Variants in NSMAF observed in about 807,000 individuals in gnomAD.
The protein encoded by NSMAF is protein FAN.
In NSMAF, 90 loss-of-function variants were observed where a neutral mutation model predicts 134.9. The observed-to-expected ratio is 0.67, with a 90% CI of 0.56 to 0.79. The LOEUF (loss-of-function observed/expected upper bound fraction) is 0.79. Ranked by LOEUF, NSMAF falls within the 30% of genes least tolerant of loss-of-function variation. The probability of loss-of-function intolerance (pLI) is 0.00; values close to 1 mark genes in which losing one functional copy is unlikely to be tolerated. For synonymous variants in NSMAF, 358 were observed against 389.6 expected (o/e 0.92, Z 0.96); for missense variants, 1,010 against 1,119.0 (o/e 0.90, Z 1.39).
intron 9 of NSMAF, among the ~76,000 whole-genome samples, chr8:58,615,179 G>A (rs1030460460): frequency 6.6e-6 from 1 of 152,066 alleles, no homozygotes; most frequent in Non-Finnish European, 1.5e-5. Context: ...TCTAATAACA[G>A]AGCTTCACAA....
intron 11 of NSMAF, among the ~76,000 whole-genome samples, chr8:58,607,521 G>C (rs867927844): frequency 3.0e-4 from 45 of 152,218 alleles, no homozygotes; most frequent in African/African-American, 1.0e-3. Flanking sequence ...AAACTCAAGG[G>C]CACTCTAGCC....
Position 58,584,022 on chromosome 8 carries a change from G to T in NSMAF, c.*84C>A. On this transcript the variant is annotated 3_prime_UTR_variant, in exon 31 of 31. Transcript: ENST00000038176. ...GGTAAAACTTCTAATTACTAACATTGCACATTCACCAGTCCGTTTAAAAGT... is the reference window on the plus strand; with the variant it reads ...GGTAAAACTTCTAATTACTAACATTTCACATTCACCAGTCCGTTTAAAAGT... The T allele has an allele frequency of 1.9e-6, 2 of 1,038,166 alleles. No homozygotes were observed. Among genetic ancestry groups the T allele is most frequent in the African/African-American group, 1.6e-5 (1 of 63,376 alleles). The allele number at this position is 1,038,166 out of a possible 1,614,324, so 64.3% of individuals were successfully genotyped here.
intron 1 of NSMAF, chr8:58,659,190 C>T (rs1384946472): frequency 1.4e-6 from 2 of 1,434,300 alleles, no homozygotes; most frequent in Non-Finnish European, 1.8e-6. Context: ...GGGCAGCGTA[C>T]TCACCCTCCC....
chr8:58,641,554 T>G (rs1037443814), intron 2 of NSMAF, among the ~76,000 whole-genome samples: 4 of 152,232 alleles, frequency 2.6e-5, no homozygotes, highest in African/African-American at 9.6e-5. Context: ...TTAATACATG[T>G]AGAGATCACT....
intron 9 of NSMAF, among the ~76,000 whole-genome samples, chr8:58,621,002 T>C (rs1487511815): frequency 1.3e-5 from 2 of 152,214 alleles, no homozygotes; most frequent in Non-Finnish European, 2.9e-5. Context: ...GTTACATAGA[T>C]AAAATATATG....
intron 9 of NSMAF, among the ~76,000 whole-genome samples, chr8:58,621,826 G>A (rs1442533100): frequency 6.6e-6 from 1 of 151,866 alleles, no homozygotes; most frequent in African/African-American, 2.4e-5. Context: ...TTTTTAATGG[G>A]GTTGTTCATT....
rs1347781614 is a variant in NSMAF at position 58,644,433 on chromosome 8, C to T, written c.60-1360G>A. Among the ~76,000 whole-genome samples, 3 of 152,240 alleles carry T rather than the reference C, an allele frequency of 2.0e-5. No homozygotes were observed. In the East Asian group the frequency reaches 5.8e-4, roughly 29 times the overall value. On this transcript the variant is annotated intron_variant, in intron 1 of 30. Transcript: ENST00000038176. Reference sequence around the variant, plus strand: ...CTCAGGAGAAAACCAGTTCAAGTCACCGGACTTCCAAAAAGTTCAGAAATT... The same window carrying T: ...CTCAGGAGAAAACCAGTTCAAGTCATCGGACTTCCAAAAAGTTCAGAAATT...
chr8:58,617,057 A>T (rs988807775), intron 9 of NSMAF, among the ~76,000 whole-genome samples: 2 of 152,196 alleles, frequency 1.3e-5, no homozygotes, highest in African/African-American at 2.4e-5. Flanking sequence ...ATGAAAGAGA[A>T]ATCTGTACTA....
intron 9 of NSMAF, among the ~76,000 whole-genome samples, chr8:58,621,138 C>A (rs1012350380): frequency 6.6e-6 from 1 of 152,108 alleles, no homozygotes; most frequent in Non-Finnish European, 1.5e-5. Flanking sequence ...TCTATTGTTC[C>A]CTTCTTTGCG....
intron 1 of NSMAF, 95 bp from the exon 2 acceptor site, chr8:58,643,168 A>C: frequency 1.1e-6 from 1 of 889,646 alleles, no homozygotes; most frequent in East Asian, 2.5e-5. Context: ...AAGCTTTTCC[A>C]TTCTTGAATT....
At chr8:58,642,914 C>A (rs551200484) in intron 2 of NSMAF, 70 bp downstream of exon 2, 606 of 1,141,536 alleles carry the variant, frequency 5.3e-4, no homozygotes, top group Middle Eastern at 2.3e-3. Context: ...TATATGATCA[C>A]ACATTTAACT....
At chr8:58,650,086 A>G (rs901900690) in intron 1 of NSMAF, among the ~76,000 whole-genome samples, 18 of 152,158 alleles carry the variant, frequency 1.2e-4, no homozygotes, top group Admixed American at 4.6e-4. Flanking sequence ...AGACATAAGC[A>G]CTTGGGTACC....
intron 9 of NSMAF, among the ~76,000 whole-genome samples, chr8:58,612,719 GA>G (rs1272521738): frequency 6.6e-6 from 1 of 152,120 alleles, no homozygotes; most frequent in Non-Finnish European, 1.5e-5. Flanking sequence ...TCGAATTGTA[GA>G]ATACCCAACT....
chr8:58,611,899 T>C (rs2096196329), intron 9 of NSMAF, among the ~76,000 whole-genome samples: 1 of 152,100 alleles, frequency 6.6e-6, no homozygotes, highest in Non-Finnish European at 1.5e-5. Flanking sequence ...ATGAAAGATA[T>C]CAGTTCATAG....
At chr8:58,598,800 A>G (rs1806202465) in intron 19 of NSMAF, among the ~76,000 whole-genome samples, 1 of 152,112 alleles carries the variant, frequency 6.6e-6, no homozygotes, top group Non-Finnish European at 1.5e-5. Context: ...AGGTGGGCAG[A>G]TCACCTGAGG....
chr8:58,656,817 G>A (rs923315610), intron 1 of NSMAF, among the ~76,000 whole-genome samples: 2 of 152,010 alleles, frequency 1.3e-5, no homozygotes, highest in South Asian at 2.1e-4. Context: ...GCAACAGAGC[G>A]AGACTCTGTC....
intron 9 of NSMAF, 85 bp from the exon 10 acceptor site, chr8:58,609,818 T>C (rs1806487158): frequency 1.6e-6 from 2 of 1,288,752 alleles, no homozygotes; most frequent in Non-Finnish European, 2.2e-6. Context: ...ACAGTGTGAC[T>C]TTCTATGACA....
In NSMAF at chr8:58,623,613, A is replaced by G. The variant is rs148453600; in HGVS notation, c.456+96T>C. The G allele has an allele frequency of 1.0e-4, 121 of 1,156,768 alleles. 1 individual carries two copies. The African/African-American group carries it at 1.7e-3, about 16-fold the overall frequency. The allele number at this position is 1,156,768 out of a possible 1,614,324, so 71.7% of individuals were successfully genotyped here. A position where few individuals can be genotyped will look rare whatever the true frequency, so the allele number is the denominator to read the frequency against. Reference sequence around the variant, plus strand: ...AGTCAATCTGCTACATATTTAGAAAACAGATGATGATTTGGGTAAGGTATA... The same window carrying G: ...AGTCAATCTGCTACATATTTAGAAAGCAGATGATGATTTGGGTAAGGTATA... On this transcript the variant is annotated intron_variant, in intron 7 of 30. Transcript: ENST00000038176.
At chr8:58,659,098 C>G in intron 1 of NSMAF, 9 of 825,614 alleles carry the variant, frequency 1.1e-5, no homozygotes, top group Non-Finnish European at 9.8e-6. Flanking sequence ...CTGCTCGGTG[C>G]CGCCCGGCGA....
Sources: gnomAD v4.1 joint callset for allele counts (sites outside exome capture counted in the v4.1 genomes callset) on GRCh38, gnomAD v4.1.1 for gene constraint, MANE v1.5 for transcripts, NCBI Gene and HGNC (gene_info 2026-07-23, HGNC 2026-07-21) for gene names.